The following CSGALNACT1 variants were observed in gnomAD, a reference collection of about 807,000 sequenced individuals.
CSGALNACT1 encodes the protein beta4GalNAcT-1.
A neutral mutation model predicts 51.0 loss-of-function variants in CSGALNACT1; 52 were observed. That is an observed-to-expected ratio of 1.02 (90% CI 0.82 to 1.29). CSGALNACT1 has a LOEUF of 1.29. Ranked by LOEUF, CSGALNACT1 falls within the 50% of genes most tolerant of loss-of-function variation. The probability of loss-of-function intolerance (pLI) is 0.00; values close to 1 mark genes in which losing one functional copy is unlikely to be tolerated. For missense variants in CSGALNACT1, 935 were observed against 679.2 expected (o/e 1.38, Z -4.19); for synonymous variants, 341 against 254.4 (o/e 1.34, Z -3.24).
intron 3 of CSGALNACT1, among the ~76,000 whole-genome samples, chr8:19,588,990 G>A (rs1219585249): frequency 6.6e-6 from 1 of 152,158 alleles, no homozygotes. Context: ...ATCACTGAGT[G>A]GGCCCAGGAA....
At chr8:19,593,098 C>T (rs1480442194) in intron 2 of CSGALNACT1, among the ~76,000 whole-genome samples, 1 of 152,130 alleles carries the variant, frequency 6.6e-6, no homozygotes, top group African/African-American at 2.4e-5. Flanking sequence ...CTCTGGAGTA[C>T]AAGAAGCTAA....
intron 3 of CSGALNACT1, among the ~76,000 whole-genome samples, chr8:19,529,375 T>C (rs1401156996): frequency 1.3e-5 from 2 of 152,154 alleles, no homozygotes; most frequent in Non-Finnish European, 2.9e-5. Context: ...CCTGTGGGCC[T>C]TGACCACTAC....
chr8:19,565,816 C>A (rs1347605895), intron 3 of CSGALNACT1, among the ~76,000 whole-genome samples: 1 of 152,176 alleles, frequency 6.6e-6, no homozygotes, highest in East Asian at 1.9e-4. Context: ...GAGGCTGAGG[C>A]AGCAGAATCG....
chr8:19,589,917 C>A (rs763655653), intron 3 of CSGALNACT1, among the ~76,000 whole-genome samples: 1 of 152,154 alleles, frequency 6.6e-6, no homozygotes, highest in African/African-American at 2.4e-5. Context: ...GTAAGAAAAT[C>A]TTATCACATA....
intron 4 of CSGALNACT1, among the ~76,000 whole-genome samples, chr8:19,480,619 T>G (rs2071103599): frequency 6.6e-6 from 1 of 152,156 alleles, no homozygotes; most frequent in African/African-American, 2.4e-5. Flanking sequence ...TTCTTTTCCT[T>G]TGAGTATTTT....
intron 1 of CSGALNACT1, among the ~76,000 whole-genome samples, chr8:19,680,634 GCT>G (rs2060546688): frequency 7.5e-6 from 1 of 133,800 alleles, no homozygotes; most frequent in East Asian, 2.2e-4. Context: ...TATTTACATA[GCT>G]CTTACACTGT....
intron 3 of CSGALNACT1, among the ~76,000 whole-genome samples, chr8:19,529,150 G>A (rs1045224754): frequency 2.6e-5 from 4 of 152,298 alleles, no homozygotes; most frequent in Admixed American, 1.3e-4. Flanking sequence ...GTTGAGCAAC[G>A]TGGGGGTCAA....
intron 3 of CSGALNACT1, among the ~76,000 whole-genome samples, chr8:19,570,004 C>T (rs963181336): frequency 6.6e-6 from 1 of 151,928 alleles, no homozygotes; most frequent in Non-Finnish European, 1.5e-5. Context: ...AAAAGTAATC[C>T]AAGATGTCTG....
chr8:19,423,342 T>C (rs952642619), intron 6 of CSGALNACT1, among the ~76,000 whole-genome samples: 2 of 152,168 alleles, frequency 1.3e-5, no homozygotes, highest in Admixed American at 6.5e-5. Context: ...GGAAACAGCA[T>C]GAAAGAAATG....
At chr8:19,501,328 T>A (rs2076384431) in intron 4 of CSGALNACT1, among the ~76,000 whole-genome samples, 1 of 151,854 alleles carries the variant, frequency 6.6e-6, no homozygotes, top group Non-Finnish European at 1.5e-5. Flanking sequence ...CCTTAATCCC[T>A]TATATATATG....
At chr8:19,471,734 T>C (rs1417223879) in intron 4 of CSGALNACT1, among the ~76,000 whole-genome samples, 1 of 152,062 alleles carries the variant, frequency 6.6e-6, no homozygotes, top group East Asian at 1.9e-4. Flanking sequence ...GGTGAAAGCT[T>C]AGATGCAGTG....
At chr8:19,432,085 G>C (rs1187851294) in intron 6 of CSGALNACT1, among the ~76,000 whole-genome samples, 1 of 152,134 alleles carries the variant, frequency 6.6e-6, no homozygotes, top group Non-Finnish European at 1.5e-5. Flanking sequence ...TCTTCATGTG[G>C]ATTTGTCTAG....
At chr8:19,590,214 T>G (rs1248943556) in intron 3 of CSGALNACT1, among the ~76,000 whole-genome samples, 1 of 152,158 alleles carries the variant, frequency 6.6e-6, no homozygotes, top group African/African-American at 2.4e-5. Flanking sequence ...CCCAGAAAAT[T>G]TCTTTTAACT....
intron 4 of CSGALNACT1, among the ~76,000 whole-genome samples, chr8:19,501,649 A>C (rs2153986495): frequency 6.6e-6 from 1 of 152,342 alleles, no homozygotes; most frequent in South Asian, 2.1e-4. Context: ...ACATTATCAG[A>C]TGTTTGGATT....
chr8:19,565,292 A>C (rs1344117704), intron 3 of CSGALNACT1, among the ~76,000 whole-genome samples: 1 of 152,228 alleles, frequency 6.6e-6, no homozygotes, highest in African/African-American at 2.4e-5. Flanking sequence ...CAGATTGAGT[A>C]AGTAAAGGTA....
At chr8:19,702,854 C>A (rs1231274331) in intron 1 of CSGALNACT1, among the ~76,000 whole-genome samples, 1 of 152,112 alleles carries the variant, frequency 6.6e-6, no homozygotes, top group Non-Finnish European at 1.5e-5. Context: ...TTCAGGGTCT[C>A]CCCTAAAGGG....
At chr8:19,513,706 G>A (rs1031794517) in intron 3 of CSGALNACT1, among the ~76,000 whole-genome samples, 2 of 151,790 alleles carry the variant, frequency 1.3e-5, no homozygotes, top group African/African-American at 4.8e-5. Flanking sequence ...CGCACACCTG[G>A]GCCATATGGT....
At chr8:19,700,447 G>A (rs1334056729) in intron 1 of CSGALNACT1, among the ~76,000 whole-genome samples, 2 of 152,080 alleles carry the variant, frequency 1.3e-5, no homozygotes, top group Non-Finnish European at 2.9e-5. Flanking sequence ...TCTCATAATG[G>A]TACTAAGGTG....
At chr8:19,629,522 G>A (rs2054922746) in intron 1 of CSGALNACT1, among the ~76,000 whole-genome samples, 1 of 152,218 alleles carries the variant, frequency 6.6e-6, no homozygotes, top group African/African-American at 2.4e-5. Flanking sequence ...TGGTATTGGA[G>A]ATGTGAAATG....
Sources: allele counts gnomAD v4.1 joint callset (sites outside exome capture counted in the v4.1 genomes callset), GRCh38; gene constraint gnomAD v4.1.1; transcripts MANE v1.5; gene names NCBI Gene and HGNC (gene_info 2026-07-23, HGNC 2026-07-21).